Variants in PRDM11 observed in about 807,000 individuals in gnomAD.
PRDM11 encodes the protein PR/SET domain 11.
PRDM11 carries 20 observed loss-of-function variants against 97.8 expected under a neutral mutation model. That is an observed-to-expected ratio of 0.20 (90% CI 0.14 to 0.30). PRDM11 has a LOEUF of 0.30. PRDM11 is among the 10% of genes least tolerant of loss of function. The pLI is 1.00. For missense variants in PRDM11, 1,139 were observed against 1,555.2 expected (o/e 0.73, Z 4.50); for synonymous variants, 599 against 637.7 (o/e 0.94, Z 0.91).
chr11:45,162,819 C>T (rs1851962538), intron 1 of PRDM11, among the ~76,000 whole-genome samples: 2 of 152,202 alleles, frequency 1.3e-5, no homozygotes, highest in African/African-American at 4.8e-5. Flanking sequence ...CTCCTGGCAC[C>T]ATGCCTGACA....
intron 1 of PRDM11, among the ~76,000 whole-genome samples, chr11:45,115,964 A>T (rs1484069975): frequency 6.6e-6 from 1 of 151,962 alleles, no homozygotes; most frequent in Non-Finnish European, 1.5e-5. Context: ...AAAAAAAGCT[A>T]GAGCAGTGAT....
chr11:45,163,460 C>T (rs1378931584), intron 1 of PRDM11, among the ~76,000 whole-genome samples: 2 of 149,734 alleles, frequency 1.3e-5, no homozygotes, highest in East Asian at 3.9e-4. Flanking sequence ...CCCTGTGTGT[C>T]CCAAAGGTGG....
At chr11:45,146,927 G>A (rs1287620892) in intron 1 of PRDM11, 50 bp downstream of exon 1, 1 of 146,476 alleles carries the variant, frequency 6.8e-6, no homozygotes, top group Non-Finnish European at 1.5e-5. Context: ...GCTTCGGAGA[G>A]CGCTCGGCAG....
intron 1 of PRDM11, among the ~76,000 whole-genome samples, chr11:45,134,701 G>GAAAAAAAAAAAAAAAAAAAAAAAAAAAA (rs1191008824): frequency 1.4e-4 from 6 of 44,262 alleles, no homozygotes; most frequent in Non-Finnish European, 1.8e-4. Flanking sequence ...CCTGTCTCAC[G>GAAAAAAAAAAAAAAAAAAAAAAAAAAAA]AAAAAAAAAA....
intron 1 of PRDM11, among the ~76,000 whole-genome samples, chr11:45,118,355 G>A (rs1422427528): frequency 3.3e-5 from 5 of 152,170 alleles, no homozygotes; most frequent in African/African-American, 1.2e-4. Context: ...TAATAGTTAG[G>A]AGAAATTGGT....
chr11:45,183,576 G>C (rs908208677), intron 4 of PRDM11, among the ~76,000 whole-genome samples: 1 of 152,196 alleles, frequency 6.6e-6, no homozygotes, highest in Non-Finnish European at 1.5e-5. Context: ...CCTGCCCTCA[G>C]GGAGCAGACG....
At chr11:45,099,767 TACTGTAGTC>T (rs974436981) in intron 1 of PRDM11, among the ~76,000 whole-genome samples, 1 of 152,196 alleles carries the variant, frequency 6.6e-6, no homozygotes, top group Non-Finnish European at 1.5e-5. Context: ...AGTTATTACT[TACTGTAGTC>T]ACCCTGTTGT....
intron 1 of PRDM11, among the ~76,000 whole-genome samples, chr11:45,155,997 G>A (rs1851784413): frequency 3.9e-5 from 6 of 152,164 alleles, no homozygotes; most frequent in Admixed American, 3.9e-4. Context: ...ACTCACCTAA[G>A]GTCACACAGC....
intron 1 of PRDM11, among the ~76,000 whole-genome samples, chr11:45,099,040 T>G (rs1851928147): frequency 6.6e-6 from 1 of 151,990 alleles, no homozygotes; most frequent in Non-Finnish European, 1.5e-5. Flanking sequence ...GCAGGAGGGA[T>G]GTCTAGCCAG....
chr11:45,205,876 G>A (rs184223702), intron 5 of PRDM11, among the ~76,000 whole-genome samples: 5 of 152,276 alleles, frequency 3.3e-5, no homozygotes, highest in African/African-American at 9.6e-5. Flanking sequence ...TTTAGCGTTC[G>A]CCCTCTTATG....
intron 1 of PRDM11, among the ~76,000 whole-genome samples, chr11:45,139,274 C>G (rs1039419088): frequency 1.1e-4 from 17 of 152,096 alleles, no homozygotes; most frequent in Non-Finnish European, 2.4e-4. Context: ...TGTTTTAGGA[C>G]AACTGGGCAA....
At chr11:45,216,314 ACCT>A (rs1853954836) in intron 5 of PRDM11, 1 of 142,302 alleles carries the variant, frequency 7.0e-6, no homozygotes, top group Non-Finnish European at 1.6e-5. Context: ...AACTCTTCAA[ACCT>A]CCTTGCAAAG....
At chr11:45,117,624 G>A (rs1432527238) in intron 1 of PRDM11, among the ~76,000 whole-genome samples, 3 of 152,068 alleles carry the variant, frequency 2.0e-5, no homozygotes, top group African/African-American at 7.2e-5. Context: ...GCGTGCACCT[G>A]TACACCCAGC....
intron 1 of PRDM11, among the ~76,000 whole-genome samples, chr11:45,125,727 TTTTACA>T (rs1174221401): frequency 2.8e-4 from 42 of 152,318 alleles, no homozygotes; most frequent in African/African-American, 9.9e-4. Context: ...ATTTCTGTTC[TTTTACA>T]TTTGCTGAGG....
intron 1 of PRDM11, among the ~76,000 whole-genome samples, chr11:45,177,703 A>G (rs189503955): frequency 1.7e-4 from 26 of 152,332 alleles, no homozygotes; most frequent in African/African-American, 5.8e-4. Context: ...GAAAGAAATT[A>G]TATGTGCATA....
chr11:45,189,337 A>G (rs1283239510), intron 4 of PRDM11, among the ~76,000 whole-genome samples: 1 of 152,236 alleles, frequency 6.6e-6, no homozygotes, highest in Non-Finnish European at 1.5e-5. Context: ...AAGAAAGGAA[A>G]ACAAGGGTGG....
At chr11:45,203,725 A>C (rs1391416939) in intron 4 of PRDM11, among the ~76,000 whole-genome samples, 2 of 150,942 alleles carry the variant, frequency 1.3e-5, no homozygotes, top group Non-Finnish European at 2.9e-5. Context: ...GGTTCACACC[A>C]TTCTCCTGCC....
At chr11:45,212,918 G>T (rs560373732) in intron 5 of PRDM11, 6 of 413,462 alleles carry the variant, frequency 1.5e-5, no homozygotes, top group Admixed American at 7.5e-5. Context: ...AGAAGGGGCA[G>T]ACCCTACGGG....
At chr11:45,153,277 C>G (rs1788601557) in intron 1 of PRDM11, among the ~76,000 whole-genome samples, 2 of 152,208 alleles carry the variant, frequency 1.3e-5, no homozygotes, top group South Asian at 2.1e-4. Flanking sequence ...AGCCAGGGAG[C>G]CAGCTGGTGG....
Sources: gnomAD v4.1 joint callset for allele counts (sites outside exome capture counted in the v4.1 genomes callset) on GRCh38, gnomAD v4.1.1 for gene constraint, MANE v1.5 for transcripts, NCBI Gene and HGNC (gene_info 2026-07-23, HGNC 2026-07-21) for gene names.